The following KLHL7 variants were observed in gnomAD, a reference collection of about 807,000 sequenced individuals.
The protein encoded by KLHL7 is kelch-like protein 7.
Under a neutral mutation model 67.4 loss-of-function variants are expected in KLHL7, and 44 were observed. The ratio of observed to expected loss-of-function variants is 0.65; its 90% CI spans 0.51 to 0.84. The LOEUF is 0.84. KLHL7 is among the 40% of genes least tolerant of loss of function. KLHL7 has a pLI of 0.00. For synonymous variants in KLHL7, 252 were observed against 243.3 expected, an observed-to-expected ratio of 1.04 and a Z score of -0.33; for missense variants, 362 against 718.1, an observed-to-expected ratio of 0.50 and a Z score of 5.67.
intron 4 of KLHL7, among the ~76,000 whole-genome samples, chr7:23,134,734 A>G (rs1783917577): frequency 2.0e-5 from 3 of 152,228 alleles, no homozygotes; most frequent in South Asian, 2.1e-4. Context: ...ATTTATAGGC[A>G]TATATTAATA....
chr7:23,131,113 A>G (rs762019013), intron 4 of KLHL7, among the ~76,000 whole-genome samples: 3 of 152,144 alleles, frequency 2.0e-5, no homozygotes, highest in Non-Finnish European at 4.4e-5. Context: ...ATCATTTTAG[A>G]TTTCTTAGTG....
At chr7:23,140,282 C>T (rs750932766) in intron 4 of KLHL7, among the ~76,000 whole-genome samples, 4 of 152,188 alleles carry the variant, frequency 2.6e-5, no homozygotes, top group Admixed American at 6.5e-5. Flanking sequence ...CAGCTGGGCG[C>T]GGTGGCTCAT....
chr7:23,119,236 G>T (rs922237130), intron 1 of KLHL7, among the ~76,000 whole-genome samples: 1 of 151,762 alleles, frequency 6.6e-6, no homozygotes, highest in African/African-American at 2.4e-5. Context: ...ACAGAATCTC[G>T]CTCTGTTGTC....
intron 7 of KLHL7, among the ~76,000 whole-genome samples, chr7:23,154,860 T>C (rs112404974): frequency 5.9e-5 from 9 of 152,322 alleles, no homozygotes; most frequent in South Asian, 2.1e-4. Flanking sequence ...TATCTGGCCC[T>C]CTTGTAACAA....
At chr7:23,121,509 C>T (rs972936327) in intron 1 of KLHL7, among the ~76,000 whole-genome samples, 2 of 150,766 alleles carry the variant, frequency 1.3e-5, no homozygotes, top group African/African-American at 2.4e-5. Context: ...CATGTTGCCC[C>T]GGCTGGTCTC....
chr7:23,167,065 T>C (rs571156231), intron 8 of KLHL7, among the ~76,000 whole-genome samples: 2 of 152,236 alleles, frequency 1.3e-5, no homozygotes, highest in Non-Finnish European at 2.9e-5. Context: ...TTTAAATCAT[T>C]TGATATTAGC....
At position 23,149,462 on chromosome 7, in the gene KLHL7, C is replaced by T. The variant is rs1305463415; in HGVS notation, c.794-2605C>T. On this transcript the variant is annotated intron_variant, in intron 6 of 10. Transcript: ENST00000339077. ...TACCTTTCTCTTACTGGGAATATTGCGTTCATAGACTACACAGTCCACTTT... is the reference window on the plus strand; with the variant it reads ...TACCTTTCTCTTACTGGGAATATTGTGTTCATAGACTACACAGTCCACTTT... Among the ~76,000 whole-genome samples the T allele has an allele frequency of 5.3e-5, 8 of 152,166 alleles. No homozygotes were observed. In the East Asian group the frequency reaches 7.7e-4, roughly 15 times the overall value.
intron 7 of KLHL7, among the ~76,000 whole-genome samples, chr7:23,164,095 G>A (rs911816134): frequency 6.6e-5 from 10 of 151,884 alleles, no homozygotes; most frequent in African/African-American, 2.4e-4. Flanking sequence ...TCATCACTAG[G>A]GTAATGCCCA....
chr7:23,168,541 G>T (rs1464363295), intron 9 of KLHL7, among the ~76,000 whole-genome samples: 1 of 152,172 alleles, frequency 6.6e-6, no homozygotes, highest in Non-Finnish European at 1.5e-5. Flanking sequence ...AAGGCAAAGT[G>T]TGTCAAAAAG....
At chr7:23,154,282 G>A (rs1784630366) in intron 7 of KLHL7, among the ~76,000 whole-genome samples, 2 of 152,174 alleles carry the variant, frequency 1.3e-5, no homozygotes, top group Admixed American at 1.3e-4. Flanking sequence ...TTGAACCCAG[G>A]AAGTGAAGGT....
intron 7 of KLHL7, among the ~76,000 whole-genome samples, chr7:23,158,291 A>G (rs1379725864): frequency 6.6e-6 from 1 of 152,134 alleles, no homozygotes; most frequent in African/African-American, 2.4e-5. Flanking sequence ...AAGGGACTCT[A>G]GCCTTTGGGA....
At chr7:23,151,686 C>T (rs2128466819) in intron 6 of KLHL7, among the ~76,000 whole-genome samples, 1 of 152,222 alleles carries the variant, frequency 6.6e-6, no homozygotes, top group Non-Finnish European at 1.5e-5. Context: ...TGGTAGGTCC[C>T]AGGTATCAAT....
intron 4 of KLHL7, 115 bp downstream of exon 4, chr7:23,125,287 C>T: frequency 9.3e-7 from 1 of 1,073,892 alleles, no homozygotes; most frequent in Non-Finnish European, 1.4e-6. Flanking sequence ...AGACATTGTC[C>T]ACTAGAACGT....
intron 1 of KLHL7, among the ~76,000 whole-genome samples, chr7:23,120,466 A>T (rs952978016): frequency 6.6e-6 from 1 of 152,200 alleles, no homozygotes. Context: ...AATGCATATA[A>T]TGTCTAGTGA....
intron 9 of KLHL7, 121 bp downstream of exon 9, chr7:23,168,158 A>T: frequency 1.1e-6 from 1 of 903,042 alleles, no homozygotes; most frequent in Non-Finnish European, 1.8e-6. Context: ...AGTGTATATA[A>T]ACTTTTGAGT....
chr7:23,168,366 G>A (rs1173199437), intron 9 of KLHL7, among the ~76,000 whole-genome samples: 2 of 152,178 alleles, frequency 1.3e-5, no homozygotes, highest in Non-Finnish European at 2.9e-5. Context: ...GAGGAGGGGG[G>A]AGTTTATGAC....
chr7:23,155,660 CA>C (rs374674317), intron 7 of KLHL7, among the ~76,000 whole-genome samples: 3,983 of 146,482 alleles, frequency 0.027, 192 homozygotes, highest in African/African-American at 0.093. Flanking sequence ...GAACAGCAAC[CA>C]AAAAAACAAA....
chr7:23,108,663 A>G (rs1782744950), intron 1 of KLHL7, among the ~76,000 whole-genome samples: 2 of 152,300 alleles, frequency 1.3e-5, no homozygotes, highest in South Asian at 2.1e-4. Flanking sequence ...TAAGGGCACT[A>G]TGCACCCCTG....
intron 4 of KLHL7, 176 bp from the exon 5 acceptor site, chr7:23,140,593 T>A: frequency 1.4e-4 from 94 of 676,786 alleles, no homozygotes; most frequent in Admixed American, 7.5e-4. Context: ...AAAAAACCAG[T>A]CTTTTATAAG....
Sources: allele counts gnomAD v4.1 joint callset (sites outside exome capture counted in the v4.1 genomes callset), GRCh38; gene constraint gnomAD v4.1.1; transcripts MANE v1.5; gene names NCBI Gene and HGNC (gene_info 2026-07-23, HGNC 2026-07-21).